RGS3: variants seen among roughly 807,000 people sequenced by gnomAD.
The protein encoded by RGS3 is regulator of G protein signaling 3.
In RGS3, 80 loss-of-function variants were observed where a neutral mutation model predicts 132.6. The observed-to-expected ratio is 0.60, with a 90% CI of 0.50 to 0.73. The LOEUF (loss-of-function observed/expected upper bound fraction) is 0.73, where lower values mean the gene tolerates loss of function less well. RGS3 is among the 30% of genes least tolerant of loss of function. RGS3 has a pLI of 0.00. For missense variants in RGS3, 1,382 were observed against 1,530.8 expected (o/e 0.90, Z 1.62); for synonymous variants, 598 against 620.6 (o/e 0.96, Z 0.54).
rs889320725 is a variant in RGS3 at position 113,518,616 on chromosome 9, A to G, written c.1758+992A>G. ...AAGCAGACTGGACTGGAACTCATCT[A>G]TTCCAAATGTACATTATCTTTTTCA... is the stretch of plus-strand genomic sequence containing the variant. On this transcript the variant is annotated intron_variant, in intron 16 of 24. Coordinates refer to ENST00000350696, the Ensembl canonical transcript of RGS3. Among the ~76,000 whole-genome samples the G allele has an allele frequency of 7.9e-5, 12 of 152,172 alleles. No individual in the cohort carries two copies. In the East Asian group the frequency reaches 2.3e-3, roughly 29 times the overall value.
In RGS3 at chr9:113,461,720, A is replaced by G. The variant is rs1333868211; in HGVS notation, c.94A>G (p.Ser32Gly). 2.5e-6 allele frequency: 4 copies of G among 1,613,956 alleles called. No individual in the cohort carries two copies. In the Admixed American group the frequency reaches 6.7e-5, roughly 27 times the overall value. The change falls in exon 2 of 25, where the codon AGC (serine) becomes GGC (glycine). Residue 32 changes from serine to glycine, a missense_variant. Physicochemically the swap from Ser to Gly is moderately conservative, Grantham distance 56. Coordinates refer to ENST00000350696, the Ensembl canonical transcript of RGS3. ...TTTCTCTCCTAGGTCACATTCAGAC[A>G]GCACACCTTTGCCCAATTTTCTTTC...
chr9:113,575,520 G>A lies in RGS3; in HGVS notation c.2038-7930G>A, dbSNP rs568671062. ...CTCCAGGGAACTTGCCACCTCCCCC[G>A]TCCTGCTCCAAGGTCATGCCTCTTC... On this transcript the variant is annotated intron_variant, in intron 19 of 24. Transcript: ENST00000350696. Among the ~76,000 whole-genome samples the A allele has an allele frequency of 1.8e-4, 27 of 152,246 alleles. No homozygotes were observed. In the South Asian group the frequency reaches 3.1e-3, roughly 18 times the overall value.
intron 14 of RGS3, among the ~76,000 whole-genome samples, chr9:113,512,438 G>A (rs1320574571): frequency 1.3e-5 from 2 of 152,160 alleles, no homozygotes; most frequent in Non-Finnish European, 1.5e-5. Flanking sequence ...GAGTTATCAT[G>A]GTTTGAGCGC....
At position 113,565,214 on chromosome 9, in the gene RGS3, A is replaced by T; in HGVS notation, c.2038-18236A>T. The T allele has an allele frequency of 7.9e-7, 1 of 1,262,434 alleles. No individual in the cohort carries two copies. The highest frequency in any genetic ancestry group is 1.0e-6 in the Non-Finnish European group (1 of 974,200). The allele number at this position is 1,262,434 out of a possible 1,614,324, so 78.2% of individuals were successfully genotyped here. A position where few individuals can be genotyped will look rare whatever the true frequency, so the allele number is the denominator to read the frequency against. On this transcript the variant is annotated intron_variant, in intron 19 of 24. Transcript: ENST00000350696. The surrounding 1 kb of genome is among the most constrained non-coding windows in gnomAD (Gnocchi z 5.7). The stretch of plus-strand genomic sequence containing the variant: ...GCTGGGCCCCTCGCGGGGTGGGCAG[A>T]AGGACGGGCTGGCCCAGGACCCTCT...
intron 15 of RGS3, chr9:113,517,267 C>T (rs1008560098): frequency 4.2e-5 from 25 of 590,828 alleles, no homozygotes; most frequent in Middle Eastern, 2.6e-4. Context: ...AGGGCCTAAG[C>T]CTGTGGTTAG....
At chr9:113,551,371 A>G (rs564553704) in intron 19 of RGS3, among the ~76,000 whole-genome samples, 2 of 152,236 alleles carry the variant, frequency 1.3e-5, no homozygotes, top group Non-Finnish European at 2.9e-5. Context: ...ACCGTTCATC[A>G]GTTAATGGAC....
intron 19 of RGS3, 53 bp from the exon 18 acceptor site, chr9:113,583,397 G>C (rs1355196113): frequency 6.3e-7 from 1 of 1,587,426 alleles, no homozygotes; most frequent in East Asian, 2.3e-5. Context: ...ATGGTGTCTG[G>C]CATCTTGGAG....
chr9:113,570,600 C>T (rs570120456), intron 19 of RGS3, among the ~76,000 whole-genome samples: 4 of 152,148 alleles, frequency 2.6e-5, no homozygotes, highest in Non-Finnish European at 5.9e-5. Flanking sequence ...CCTAGGAATC[C>T]CCACAAATAA....
chr9:113,509,009 G>A (rs1446009785), intron 14 of RGS3, among the ~76,000 whole-genome samples: 1 of 152,138 alleles, frequency 6.6e-6, no homozygotes, highest in Non-Finnish European at 1.5e-5. Context: ...TCCTTGGTCG[G>A]GCGTGGTGGC....
At chr9:113,479,948 A>C (rs937274581) in intron 4 of RGS3, among the ~76,000 whole-genome samples, 1 of 152,144 alleles carries the variant, frequency 6.6e-6, no homozygotes, top group Non-Finnish European at 1.5e-5. Context: ...ATCATGGTTA[A>C]GATCATAGTC....
chr9:113,525,399 G>A (rs1034306140), intron 17 of RGS3, among the ~76,000 whole-genome samples: 8 of 152,218 alleles, frequency 5.3e-5, no homozygotes, highest in African/African-American at 1.9e-4. Flanking sequence ...AATTGGAGCC[G>A]CAGGACCCAG....
chr9:113,555,860 G>A (rs1305301296), intron 19 of RGS3, among the ~76,000 whole-genome samples: 1 of 152,180 alleles, frequency 6.6e-6, no homozygotes, highest in Non-Finnish European at 1.5e-5. Flanking sequence ...GGCTCTAAAT[G>A]TTTCCGTTTT....
intron 18 of RGS3, among the ~76,000 whole-genome samples, chr9:113,534,098 G>A (rs1832583264): frequency 6.6e-6 from 1 of 152,186 alleles, no homozygotes; most frequent in Non-Finnish European, 1.5e-5. Context: ...TCTGAAGGGT[G>A]GCATTCCTGA....
At chr9:113,595,409 C>A in intron 23 of RGS3, 190 bp from the exon 22 acceptor site, 1 of 600,890 alleles carries the variant, frequency 1.7e-6, no homozygotes. Context: ...AGGGGGAGAC[C>A]CCACTGAGAC....
At position 113,463,568 on chromosome 9, in the gene RGS3, G is replaced by GCGGGT. The variant is rs1336554015; in HGVS notation, c.415+1371_415+1375dup. 1 of 389,062 alleles carries GCGGGT rather than the reference G, an allele frequency of 2.6e-6. No individual in the cohort carries two copies. The allele number at this position is 389,062 out of a possible 1,614,324, so 24.1% of individuals were successfully genotyped here. A position where few individuals can be genotyped will look rare whatever the true frequency, so the allele number is the denominator to read the frequency against. ...TGGGTGGCTGCCGTCGCTGCTCAGC[G>GCGGGT]CGGGTCGGCGGCGCCGCCTCCCCCA... On this transcript the variant is annotated intron_variant, in intron 3 of 24. Coordinates refer to ENST00000350696, the Ensembl canonical transcript of RGS3. This position sits in a 1 kb window ranked among gnomAD's most constrained non-coding sequence, Gnocchi z 4.6.
chr9:113,581,789 G>A (rs1312479231), intron 19 of RGS3: 1 of 152,516 alleles, frequency 6.6e-6, no homozygotes, highest in African/African-American at 2.4e-5. Flanking sequence ...GAGGCTATGA[G>A]GTCTGAGAGG....
chr9:113,501,194 G>A (rs576881954), intron 10 of RGS3, among the ~76,000 whole-genome samples: 4 of 152,282 alleles, frequency 2.6e-5, no homozygotes, highest in Admixed American at 6.5e-5. Flanking sequence ...GAGCAGCCAC[G>A]TTTTCTGCCT....
chr9:113,575,289 C>T (rs985413008), intron 19 of RGS3, among the ~76,000 whole-genome samples: 2 of 152,162 alleles, frequency 1.3e-5, no homozygotes, highest in African/African-American at 2.4e-5. Context: ...TGAGTGTTGG[C>T]TTTGTCCTGA....
intron 4 of RGS3, among the ~76,000 whole-genome samples, chr9:113,482,110 A>C (rs1298542188): frequency 6.6e-6 from 1 of 152,094 alleles, no homozygotes; most frequent in Non-Finnish European, 1.5e-5. Flanking sequence ...GTAAAAGAAA[A>C]TAGAACTGAG....
Sources: allele counts gnomAD v4.1 joint callset (sites outside exome capture counted in the v4.1 genomes callset), GRCh38; gene constraint gnomAD v4.1.1; non-coding constraint Gnocchi (gnomAD v3.1); transcripts MANE v1.5; gene names NCBI Gene and HGNC (gene_info 2026-07-23, HGNC 2026-07-21).